Variants in KHDRBS2 observed in about 807,000 individuals in gnomAD.
KHDRBS2 encodes KH domain-containing, RNA-binding, signal transduction-associated protein 2.
In KHDRBS2, 26 loss-of-function variants were observed where a neutral mutation model predicts 44.3. The observed-to-expected ratio is 0.59, with a 90% confidence interval of 0.43 to 0.81. KHDRBS2 has a LOEUF of 0.81. KHDRBS2 is among the 40% of genes least tolerant of loss of function. The probability of loss-of-function intolerance (pLI) is 0.00; values close to 1 mark genes in which losing one functional copy is unlikely to be tolerated. For synonymous variants in KHDRBS2, 194 were observed against 151.1 expected (o/e 1.28, Z -2.08); for missense variants, 476 against 433.1 (o/e 1.10, Z -0.88).
intron 7 of KHDRBS2, among the ~76,000 whole-genome samples, chr6:61,722,349 T>A (rs1006391205): frequency 3.3e-5 from 5 of 152,204 alleles, no homozygotes; most frequent in Admixed American, 3.3e-4. Context: ...CCTTGCAAAA[T>A]AACTGGGGGA....
chr6:62,109,127 T>C (rs1313537361), intron 2 of KHDRBS2, among the ~76,000 whole-genome samples: 1 of 149,298 alleles, frequency 6.7e-6, no homozygotes, highest in East Asian at 1.9e-4. Context: ...CCAACAGTTG[T>C]ATAAAAAGGT....
intron 2 of KHDRBS2, among the ~76,000 whole-genome samples, chr6:62,064,023 A>T (rs1206938172): frequency 6.8e-6 from 1 of 147,146 alleles, no homozygotes; most frequent in Non-Finnish European, 1.5e-5. Context: ...GTGAACTCCC[A>T]TTCACAATTG....
the KHDRBS2 span, among the ~76,000 whole-genome samples, chr6:61,562,122 T>G: frequency 2.0e-5 from 3 of 152,172 alleles, no homozygotes; most frequent in African/African-American, 7.2e-5. Flanking sequence ...TTCAGTTAAT[T>G]TTTCTTGCAT....
intron 1 of KHDRBS2, among the ~76,000 whole-genome samples, chr6:62,195,345 A>G (rs1825461084): frequency 6.6e-6 from 1 of 152,172 alleles, no homozygotes; most frequent in Non-Finnish European, 1.5e-5. Context: ...TACATCAATT[A>G]TATTTTGATA....
intron 2 of KHDRBS2, among the ~76,000 whole-genome samples, chr6:62,090,559 GT>G (rs538521180): frequency 0.084 from 12,057 of 142,914 alleles, 514 homozygotes; most frequent in South Asian, 0.11. Flanking sequence ...TAGGAAAGGT[GT>G]TTTTTTTTTT....
intron 2 of KHDRBS2, among the ~76,000 whole-genome samples, chr6:62,082,061 A>C (rs922535276): frequency 3.9e-5 from 6 of 152,104 alleles, no homozygotes; most frequent in African/African-American, 1.4e-4. Flanking sequence ...TTGTATGCCC[A>C]ATGGGAATTG....
intron 1 of KHDRBS2, among the ~76,000 whole-genome samples, chr6:62,179,936 T>C (rs1821913883): frequency 6.6e-6 from 1 of 151,832 alleles, no homozygotes; most frequent in Non-Finnish European, 1.5e-5. Context: ...GACTAATAGA[T>C]CAATACTTGT....
chr6:61,554,061 C>T, the KHDRBS2 span, among the ~76,000 whole-genome samples: 2 of 152,044 alleles, frequency 1.3e-5, no homozygotes, highest in Admixed American at 6.6e-5. Flanking sequence ...TTTATGTTAG[C>T]TTTCTGCCTC....
At chr6:62,194,578 G>T (rs993004925) in intron 1 of KHDRBS2, among the ~76,000 whole-genome samples, 1 of 125,018 alleles carries the variant, frequency 8.0e-6, no homozygotes, top group Non-Finnish European at 1.6e-5. Flanking sequence ...TCAGCTCACT[G>T]CAACCTCCGC....
intron 7 of KHDRBS2, among the ~76,000 whole-genome samples, chr6:61,714,694 C>T (rs903691048): frequency 2.6e-5 from 4 of 151,850 alleles, no homozygotes; most frequent in African/African-American, 9.7e-5. Context: ...AGTATATGTA[C>T]ACAATGGAAT....
intron 4 of KHDRBS2, among the ~76,000 whole-genome samples, chr6:61,968,616 A>G (rs527281972): frequency 2.2e-4 from 33 of 152,080 alleles, no homozygotes; most frequent in Non-Finnish European, 4.1e-4. Flanking sequence ...GTAACCATAA[A>G]TAGGCATTAT....
the KHDRBS2 span, among the ~76,000 whole-genome samples, chr6:61,642,263 A>T: frequency 4.6e-5 from 7 of 152,048 alleles, no homozygotes; most frequent in Non-Finnish European, 1.5e-5. Flanking sequence ...ATTTGCCATT[A>T]TATCACCTAT....
chr6:61,940,715 A>G (rs1429064117), intron 4 of KHDRBS2, among the ~76,000 whole-genome samples: 1 of 152,162 alleles, frequency 6.6e-6, no homozygotes, highest in African/African-American at 2.4e-5. Context: ...GAGATGCAAT[A>G]TAAGAGTGGC....
At chr6:61,935,532 A>C (rs1810865754) in intron 4 of KHDRBS2, among the ~76,000 whole-genome samples, 1 of 152,198 alleles carries the variant, frequency 6.6e-6, no homozygotes, top group Non-Finnish European at 1.5e-5. Flanking sequence ...TTTATTACCC[A>C]AACAATTACA....
intron 2 of KHDRBS2, among the ~76,000 whole-genome samples, chr6:62,096,870 G>A (rs905192367): frequency 6.6e-6 from 1 of 151,744 alleles, no homozygotes; most frequent in African/African-American, 2.4e-5. Flanking sequence ...CAAGAGGGAA[G>A]TTTATAACAC....
intron 6 of KHDRBS2, among the ~76,000 whole-genome samples, chr6:61,838,553 T>C (rs1793084515): frequency 6.6e-6 from 1 of 152,018 alleles, no homozygotes. Context: ...CTCCTTAACT[T>C]ATTTTGCCTT....
chr6:61,935,266 G>A (rs1465622590), intron 4 of KHDRBS2, among the ~76,000 whole-genome samples: 1 of 152,176 alleles, frequency 6.6e-6, no homozygotes, highest in South Asian at 2.1e-4. Flanking sequence ...AATTTTGAAT[G>A]AAAGATGTTT....
At chr6:62,139,184 A>G (rs374900439) in intron 2 of KHDRBS2, among the ~76,000 whole-genome samples, 10 of 152,156 alleles carry the variant, frequency 6.6e-5, no homozygotes, top group South Asian at 2.1e-4. Flanking sequence ...CCTAGATGCC[A>G]ATGGAAAGAC....
chr6:61,782,812 G>A (rs1245545224), intron 6 of KHDRBS2, among the ~76,000 whole-genome samples: 3 of 150,206 alleles, frequency 2.0e-5, no homozygotes, highest in African/African-American at 7.3e-5. Context: ...TCTAGGTTGA[G>A]CATGGCTGGA....
Sources: gnomAD v4.1 joint callset for allele counts (sites outside exome capture counted in the v4.1 genomes callset) on GRCh38, gnomAD v4.1.1 for gene constraint, MANE v1.5 for transcripts, NCBI Gene and HGNC (gene_info 2026-07-23, HGNC 2026-07-21) for gene names.